Variants in POU6F2 observed in about 807,000 individuals in gnomAD.
POU6F2 encodes POU class 6 homeobox 2, also known as POU domain, class 6, transcription factor 2.
In POU6F2, 31 loss-of-function variants were observed where a neutral mutation model predicts 71.3. The ratio of observed to expected loss-of-function variants is 0.43; its 90% CI spans 0.33 to 0.59. POU6F2 has a LOEUF of 0.59. POU6F2 is among the 20% of genes least tolerant of loss of function. The pLI, the probability that POU6F2 is intolerant of heterozygous loss-of-function variation, is 0.04. For synonymous variants in POU6F2, 347 were observed against 355.7 expected (o/e 0.98, Z 0.27); for missense variants, 783 against 856.8 (o/e 0.91, Z 1.07).
At chr7:38,997,553 T>C (rs950069623) in intron 1 of POU6F2, among the ~76,000 whole-genome samples, 1 of 152,192 alleles carries the variant, frequency 6.6e-6, no homozygotes, top group Non-Finnish European at 1.5e-5. Flanking sequence ...TTAGGGGTAT[T>C]ATAAGCCTGT....
In POU6F2 at chr7:39,374,261, C is replaced by T. The variant is rs79614280; in HGVS notation, c.973-32339C>T. ...TGTGTCTGTGTATGAGCCCAGAGAA[C>T]GTACACAAGCTTGTGGCATGGAGGA... On this transcript the variant is annotated intron_variant, in intron 5 of 9. Coordinates refer to ENST00000518318, the MANE Select transcript of POU6F2 (RefSeq NM_001370959.1). 3.8e-3 allele frequency among the ~76,000 whole-genome samples: 580 copies of T among 152,264 alleles called. 8 individuals carry two copies. The East Asian group carries it at 0.042, about 11-fold the overall frequency.
At chr7:39,143,606 A>T (rs1389147671) in intron 2 of POU6F2, among the ~76,000 whole-genome samples, 1 of 152,210 alleles carries the variant, frequency 6.6e-6, no homozygotes, top group Admixed American at 6.5e-5. Context: ...TTGGGGAATA[A>T]GAGGCACTTA....
Position 39,085,923 on chromosome 7 carries a change from G to T in POU6F2, c.169G>T (p.Glu57Ter), listed in dbSNP as rs369976707. 4 of 1,613,612 alleles carry T rather than the reference G, an allele frequency of 2.5e-6. No individual in the cohort carries two copies. Among genetic ancestry groups the T allele is most frequent in the East Asian group, 2.2e-5 (1 of 44,838 alleles). The change falls in exon 2 of 10, where the codon GAG (glutamate) becomes TAG (stop). Residue 57 changes from glutamate (E) to a stop codon, truncating the protein, a stop_gained. Coordinates refer to ENST00000518318, the MANE Select transcript of POU6F2 (RefSeq NM_001370959.1). LOFTEE classifies it high-confidence loss of function. ...GTCAGTGCGGAGTGAAATGAATGCG[G>T]AGTTGAGAGGTGAGGACAAGGCTGC... Reference protein sequence around the residue: ...LLSVRSEMNAELRGEDKAATS... With the variant: ...LLSVRSEMNA
intron 4 of POU6F2, among the ~76,000 whole-genome samples, chr7:39,322,937 T>G (rs1785425902): frequency 6.6e-6 from 1 of 152,158 alleles, no homozygotes; most frequent in Non-Finnish European, 1.5e-5. Flanking sequence ...TCTCCAGTGG[T>G]ATCTCTACTT....
intron 4 of POU6F2, among the ~76,000 whole-genome samples, chr7:39,211,392 T>C (rs1329424377): frequency 6.6e-6 from 1 of 152,212 alleles, no homozygotes; most frequent in Admixed American, 6.5e-5. Flanking sequence ...GGGAACGTTT[T>C]TGCTTCTGTT....
chr7:39,207,102 A>G (rs1794028020), intron 3 of POU6F2, among the ~76,000 whole-genome samples: 1 of 152,246 alleles, frequency 6.6e-6, no homozygotes, highest in Admixed American at 6.5e-5. Flanking sequence ...TGAAGATAGG[A>G]TCAAATGGAA....
At chr7:39,198,395 G>A (rs1793827918) in intron 2 of POU6F2, among the ~76,000 whole-genome samples, 1 of 152,172 alleles carries the variant, frequency 6.6e-6, no homozygotes, top group Non-Finnish European at 1.5e-5. Flanking sequence ...GGCTTTTCAT[G>A]TGTAGATGCA....
At chr7:39,045,573 T>G (rs1212047758) in intron 1 of POU6F2, among the ~76,000 whole-genome samples, 3 of 151,822 alleles carry the variant, frequency 2.0e-5, no homozygotes, top group African/African-American at 7.2e-5. Flanking sequence ...TATTGAGGCA[T>G]AATTTACATG....
At chr7:39,363,252 T>C (rs6946515) in intron 5 of POU6F2, among the ~76,000 whole-genome samples, 25,553 of 151,704 alleles carry the variant, frequency 0.17, 2,403 homozygotes, top group Admixed American at 0.24. Context: ...GGCTTTGGAG[T>C]GTAAGGAAAA....
intron 4 of POU6F2, among the ~76,000 whole-genome samples, chr7:39,283,153 C>G (rs1784590451): frequency 6.6e-6 from 1 of 151,998 alleles, no homozygotes; most frequent in East Asian, 1.9e-4. Flanking sequence ...TTACTGGATT[C>G]ATTTATTAGT....
chr7:39,016,909 T>C (rs1000196700), intron 1 of POU6F2, among the ~76,000 whole-genome samples: 1 of 152,156 alleles, frequency 6.6e-6, no homozygotes, highest in African/African-American at 2.4e-5. Flanking sequence ...GGAGTGTAAA[T>C]GTGGCAGTAA....
chr7:39,386,125 A>C (rs1786936772), intron 5 of POU6F2, among the ~76,000 whole-genome samples: 1 of 151,572 alleles, frequency 6.6e-6, no homozygotes, highest in Non-Finnish European at 1.5e-5. Context: ...CTCAAAAAAA[A>C]AAAAAAAAAA....
intron 1 of POU6F2, among the ~76,000 whole-genome samples, chr7:39,011,842 A>C (rs1229781169): frequency 2.0e-5 from 3 of 149,460 alleles, no homozygotes; most frequent in African/African-American, 7.4e-5. Flanking sequence ...AAGAATGTTG[A>C]ATATTGGCCC....
At chr7:39,134,610 C>A (rs1792353534) in intron 2 of POU6F2, among the ~76,000 whole-genome samples, 1 of 152,152 alleles carries the variant, frequency 6.6e-6, no homozygotes, top group Non-Finnish European at 1.5e-5. Flanking sequence ...GCTCAAAGTC[C>A]AAATTCTTTC....
At chr7:39,418,151 G>C (rs1261208672) in intron 6 of POU6F2, among the ~76,000 whole-genome samples, 1 of 152,150 alleles carries the variant, frequency 6.6e-6, no homozygotes, top group Non-Finnish European at 1.5e-5. Context: ...TTTAATCACT[G>C]TACTGTAATA....
intron 1 of POU6F2, among the ~76,000 whole-genome samples, chr7:39,014,178 T>C (rs1789410344): frequency 6.6e-6 from 1 of 152,210 alleles, no homozygotes; most frequent in African/African-American, 2.4e-5. Flanking sequence ...TGGGAGTGTC[T>C]TTGAGTAGTT....
rs967248397 is a variant in POU6F2, at chr7:39,380,899, G to A, written c.973-25701G>A. ...GTGCTCACCCACTAGTTTCTCCAGT[G>A]GGCCCAGGTAGAAGCACTGTGTGGC... On this transcript the variant is annotated intron_variant, in intron 5 of 9. Coordinates refer to ENST00000518318, the MANE Select transcript of POU6F2 (RefSeq NM_001370959.1). Among the ~76,000 whole-genome samples, 21 of 152,240 alleles carry A rather than the reference G, an allele frequency of 1.4e-4. No homozygotes were observed. The East Asian group carries it at 3.9e-3, about 28-fold the overall frequency.
chr7:39,244,605 C>G (rs1783789868), intron 4 of POU6F2, among the ~76,000 whole-genome samples: 1 of 152,128 alleles, frequency 6.6e-6, no homozygotes. Context: ...GAAATTCCAT[C>G]AACTAATCAT....
intron 5 of POU6F2, among the ~76,000 whole-genome samples, chr7:39,361,067 A>C (rs1461990818): frequency 1.3e-5 from 2 of 152,212 alleles, no homozygotes; most frequent in Non-Finnish European, 2.9e-5. Context: ...ACAGGAAAGA[A>C]AGAACATACC....
Sources: gnomAD v4.1 joint callset for allele counts (sites outside exome capture counted in the v4.1 genomes callset) on GRCh38, gnomAD v4.1.1 for gene constraint, MANE v1.5 for transcripts, NCBI Gene and HGNC (gene_info 2026-07-23, HGNC 2026-07-21) for gene names.